Variants in HSPG2 observed in about 807,000 individuals in gnomAD.
HSPG2 encodes heparan sulfate proteoglycan 2, also known as basement membrane-specific heparan sulfate proteoglycan core protein.
HSPG2 carries 278 observed loss-of-function variants against 526.6 expected under a neutral mutation model. The observed-to-expected ratio is 0.53, with a 90% confidence interval of 0.48 to 0.58. HSPG2 has a LOEUF of 0.58. Ranked by LOEUF, HSPG2 falls within the 20% of genes least tolerant of loss-of-function variation. The pLI is 0.00. For synonymous variants in HSPG2, 2,465 were observed against 2,555.4 expected (o/e 0.96, Z 1.07); for missense variants, 5,354 against 6,099.5 (o/e 0.88, Z 4.07).
chr1:21,848,235 C>T lies in HSPG2; in HGVS notation c.7738-142G>A. The T allele has an allele frequency of 9.9e-7, 1 of 1,010,448 alleles. No individual in the cohort carries two copies. The highest frequency in any genetic ancestry group is 1.5e-6 in the Non-Finnish European group (1 of 672,796). 62.6% of individuals were successfully genotyped at this position (1,010,448 alleles called of 1,614,324 possible). ...GGCCTTCGTGAAGCTCCCAGCATGG[C>T]ATGTGGCCTGTCTCTGGGCTGGGGT... On this transcript the variant is annotated intron_variant, in intron 59 of 96. Transcript: ENST00000374695. The surrounding 1 kb of genome is among the most constrained non-coding windows in gnomAD (Gnocchi z 4.9).
Position 21,854,601 on chromosome 1 carries a change from G to A in HSPG2, c.6288+10C>T, listed in dbSNP as rs1314914557. ...CTGGGTCCCCTGCCATAGGCTCAGGGCCCACATACCTGGGTGTGGGGAGGC... is the reference window on the plus strand; with the variant it reads ...CTGGGTCCCCTGCCATAGGCTCAGGACCCACATACCTGGGTGTGGGGAGGC... On this transcript the variant is annotated intron_variant, in intron 49 of 96. Transcript: ENST00000374695. 1.3e-6 allele frequency: 2 copies of A among 1,555,086 alleles called. No homozygotes were observed. The highest frequency in any genetic ancestry group is 1.7e-6 in the Non-Finnish European group (2 of 1,147,422).
rs762120082 is a variant in HSPG2, at chr1:21,874,947, C to T, written c.3358G>A (p.Ala1120Thr). 14 of 1,612,168 alleles carry T rather than the reference C, an allele frequency of 8.7e-6. No individual in the cohort carries two copies. Among genetic ancestry groups the T allele is most frequent in the South Asian group, 2.2e-5 (2 of 90,660 alleles). ...CAGGAGCACTGTTCCACTTCCAGCG[C>T]GGGGTCCTGGCCGGTTTCCTCGGGC... ...AVPEETGQDP[A>T]LEVEQCSCPP... Residue 1120 changes from alanine to threonine, a missense_variant, in exon 26 of 97, where the codon GCG (alanine) becomes ACG (threonine). Physicochemically the swap from Ala to Thr is moderately conservative, Grantham distance 58. Transcript: ENST00000374695.
At position 21,848,528 on chromosome 1, in the gene HSPG2, C is replaced by G. The variant is rs555026273; in HGVS notation, c.7737+115G>C. 6.4e-6 allele frequency: 8 copies of G among 1,241,328 alleles called. No individual in the cohort carries two copies. In the African/African-American group the frequency reaches 8.9e-5, roughly 14 times the overall value. The allele number at this position is 1,241,328 out of a possible 1,614,324, so 76.9% of individuals were successfully genotyped here. ...GTCTAGGACCCATCCAGCAAGGATA[C>G]TCAATGTTTGTTGAATGACTGAATG... On this transcript the variant is annotated intron_variant, in intron 59 of 96. Coordinates refer to ENST00000374695, the MANE Select transcript of HSPG2 (RefSeq NM_005529.7). This position sits in a 1 kb window ranked among gnomAD's most constrained non-coding sequence, Gnocchi z 4.9.
intron 77 of HSPG2, 66 bp downstream of exon 77, chr1:21,834,613 G>A: frequency 6.3e-7 from 1 of 1,578,956 alleles, no homozygotes; most frequent in South Asian, 1.1e-5. Flanking sequence ...GCAGGCAGAA[G>A]ATGGCAGCAG....
In HSPG2 at chr1:21,833,291, G is replaced by GTGACCT. The variant is rs1557680988; in HGVS notation, c.11071_11072insAGGTCA (p.Ile3690_Thr3691insLysVal). On this transcript the variant is annotated inframe_insertion, in exon 80 of 97. Transcript: ENST00000374695. ...ACCATCGGCTGAGTCGGGCCGGAAGGTGATCTTGATCTCGAACTTCCTGTA... is the reference window on the plus strand; with the variant it reads ...ACCATCGGCTGAGTCGGGCCGGAAGGTGACCTTGATCTTGATCTCGAACTTCCTGTA... 1 of 1,614,134 alleles carries GTGACCT rather than the reference G, an allele frequency of 6.2e-7. No individual in the cohort carries two copies. The highest frequency in any genetic ancestry group is 8.5e-7 in the Non-Finnish European group (1 of 1,179,982).
At chr1:21,909,779 A>C (rs1643564452) in intron 1 of HSPG2, among the ~76,000 whole-genome samples, 1 of 152,262 alleles carries the variant, frequency 6.6e-6, no homozygotes, top group African/African-American at 2.4e-5. Context: ...AGTGCCCAAA[A>C]TAGCTAGAGC....
chr1:21,839,578 A>G lies in HSPG2; in HGVS notation c.9710-28T>C, dbSNP rs112630279. On this transcript the variant is annotated intron_variant, in intron 72 of 96. Transcript: ENST00000374695. This position sits in a 1 kb window ranked among gnomAD's most constrained non-coding sequence, Gnocchi z 4.5. ...GTGGAGTCGAGTGGAAGATGACAGAAGTCACTGGGCTACCTCAGGGACCCG... is the reference window on the plus strand; with the variant it reads ...GTGGAGTCGAGTGGAAGATGACAGAGGTCACTGGGCTACCTCAGGGACCCG... The G allele has an allele frequency of 4.6e-4, 740 of 1,612,188 alleles. 4 individuals are homozygous for G. In the African/African-American group the frequency reaches 7.9e-3, roughly 17 times the overall value.
chr1:21,849,825 G>A (rs565981849), intron 57 of HSPG2, among the ~76,000 whole-genome samples: 37 of 152,222 alleles, frequency 2.4e-4, no homozygotes, highest in Middle Eastern at 3.4e-3. Context: ...GATTACAGGC[G>A]CGCACCACCA....
At position 21,865,042 on chromosome 1, in the gene HSPG2, G is replaced by T. The variant is rs1175745994; in HGVS notation, c.4427C>A (p.Ala1476Asp). The T allele has an allele frequency of 6.4e-7, 1 of 1,570,022 alleles. No individual in the cohort carries two copies. The highest frequency in any genetic ancestry group is 1.4e-5 in the African/African-American group (1 of 73,978). Residue 1476 changes from alanine (A) to aspartate (D), a missense_variant, in exon 36 of 97, where the codon GCC becomes GAC. Ala to Asp is a moderately radical substitution (Grantham distance 126). Transcript: ENST00000374695. The surrounding 1 kb of genome is among the most constrained non-coding windows in gnomAD (Gnocchi z 5.4). ...TGCCATCAGGAGGTGCTCGCGTGTG[G>T]CCGGCTGCCCATCGGGCCGGCGCCA... The part of the protein sequence containing the change: ...EFWRRPDGQP[A>D]TREHLLMALA...
rs541221764 is a variant in HSPG2 at position 21,845,330 on chromosome 1, G to GT, written c.8464+777dup. ...CAAGAAATAAGGACAGGCTTGATGT[G>GT]TTTTTTTGTCCCTTATATGCCACCA... On this transcript the variant is annotated intron_variant, in intron 64 of 96. Coordinates refer to ENST00000374695, the MANE Select transcript of HSPG2 (RefSeq NM_005529.7). Among the ~76,000 whole-genome samples the GT allele has an allele frequency of 5.4e-3, 820 of 152,212 alleles. 7 individuals are homozygous for GT. The highest frequency in any genetic ancestry group is 0.018 in the African/African-American group (727 of 41,530).
At position 21,859,694 on chromosome 1, in the gene HSPG2, A is replaced by G. The variant is rs775623887; in HGVS notation, c.5183-18T>C. 6.3e-7 allele frequency: 1 copy of G among 1,596,940 alleles called. No homozygotes were observed. Among genetic ancestry groups the G allele is most frequent in the Admixed American group, 1.7e-5 (1 of 57,530 alleles). ...CTCGGAGCCTGGTGGGGAGGAGACA[A>G]GAGCTTGTTGGTGCAGATACACTCT... On this transcript the variant is annotated intron_variant, in intron 41 of 96. Transcript: ENST00000374695. This position sits in a 1 kb window ranked among gnomAD's most constrained non-coding sequence, Gnocchi z 5.3.
At position 21,876,621 on chromosome 1, in the gene HSPG2, C is replaced by T. The variant is rs1434439995; in HGVS notation, c.2717G>A (p.Cys906Tyr). The T allele has an allele frequency of 6.2e-7, 1 of 1,614,232 alleles. No individual in the cohort carries two copies. Among genetic ancestry groups the T allele is most frequent in the Admixed American group, 1.7e-5 (1 of 60,022 alleles). The change falls in exon 22 of 97, where the codon TGT becomes TAT. Residue 906 changes from cysteine to tyrosine, a missense_variant. Physicochemically the swap from Cys to Tyr is radical, Grantham distance 194 (BLOSUM62 -2). Transcript: ENST00000374695. ...NNVVGRLCNE[C>Y]ADGSFHLSTR... The stretch of plus-strand genomic sequence containing the variant: ...ACTCAGGTGGAAAGAGCCGTCAGCA[C>T]ATTCATTGCACAAGCGCCCCACCAC...
In HSPG2 at chr1:21,887,576, C is replaced by T. The variant is rs1232331620; in HGVS notation, c.802G>A (p.Val268Ile). The change falls in exon 8 of 97, where the codon GTC becomes ATC. Residue 268 changes from valine (V) to isoleucine (I), a missense_variant. Transcript: ENST00000374695. This position sits in a 1 kb window ranked among gnomAD's most constrained non-coding sequence, Gnocchi z 5.0. ...PETTIMRQPP[V>I]THAPQPLLPG... is the part of the protein sequence containing the mutation. The stretch of plus-strand genomic sequence containing the variant: ...AGCAGGGGCTGAGGAGCGTGGGTGA[C>T]TGGTGGCTGTCGCATGATGGTTGTC... 1 of 1,613,978 alleles carries T rather than the reference C, an allele frequency of 6.2e-7. No individual in the cohort carries two copies. The highest frequency in any genetic ancestry group is 8.5e-7 in the Non-Finnish European group (1 of 1,180,024).
intron 1 of HSPG2, among the ~76,000 whole-genome samples, chr1:21,896,660 C>T (rs931073516): frequency 6.6e-6 from 1 of 151,616 alleles, no homozygotes; most frequent in African/African-American, 2.4e-5. Flanking sequence ...GGGATGCGGG[C>T]GGGTAAAGGG....
At position 21,837,434 on chromosome 1, in the gene HSPG2, G is replaced by A. The variant is rs191817708; in HGVS notation, c.10151-428C>T. 9.9e-5 allele frequency among the ~76,000 whole-genome samples: 15 copies of A among 151,762 alleles called. No homozygotes were observed. The East Asian group carries it at 1.2e-3, about 12-fold the overall frequency. Reference sequence around the variant, plus strand: ...TAGCTGAGACTACAGGTGCGCCACCGTGCCTGGCTAATTTTTTTTTTTTTT... The same window carrying A: ...TAGCTGAGACTACAGGTGCGCCACCATGCCTGGCTAATTTTTTTTTTTTTT... On this transcript the variant is annotated intron_variant, in intron 74 of 96. Coordinates refer to ENST00000374695, the MANE Select transcript of HSPG2 (RefSeq NM_005529.7).
chr1:21,880,006 C>T, intron 17 of HSPG2, 101 bp downstream of exon 17: 1 of 1,375,542 alleles, frequency 7.3e-7, no homozygotes, highest in Non-Finnish European at 1.0e-6. Flanking sequence ...GCAGTCATGA[C>T]AGTCATTCTG....
rs749712460 is a variant in HSPG2, at chr1:21,836,789, C to T, written c.10355+13G>A. 1.4e-4 allele frequency: 221 copies of T among 1,544,602 alleles called. 2 individuals carry two copies. The South Asian group carries it at 1.4e-3, about 10-fold the overall frequency. ...TGCTGCCCAAGTCCAGTCCTGCCCC[C>T]GGCCCCACTCACCGGAGCACCCCAT... On this transcript the variant is annotated intron_variant, in intron 75 of 96. Transcript: ENST00000374695.
chr1:21,865,380 G>C lies in HSPG2; in HGVS notation c.4315-15C>G. On this transcript the variant is annotated splice_polypyrimidine_tract_variant and intron_variant, in intron 34 of 96. Transcript: ENST00000374695. The surrounding 1 kb of genome is among the most constrained non-coding windows in gnomAD (Gnocchi z 5.4). ...ATGTTGTTGCCCTGGAAAGACACCAGCAGGATTGGAAGGGGAGCCGAGGGG... is the reference window on the plus strand; with the variant it reads ...ATGTTGTTGCCCTGGAAAGACACCACCAGGATTGGAAGGGGAGCCGAGGGG... 1 of 1,613,732 alleles carries C rather than the reference G, an allele frequency of 6.2e-7. No homozygotes were observed. Among genetic ancestry groups the C allele is most frequent in the Non-Finnish European group, 8.5e-7 (1 of 1,179,740 alleles).
At chr1:21,875,595 C>T in intron 25 of HSPG2, 34 bp downstream of exon 25, 2 of 1,539,730 alleles carry the variant, frequency 1.3e-6, no homozygotes, top group African/African-American at 1.4e-5. Context: ...CCTCCCCAAG[C>T]CCATGCTGGT....
Sources: allele counts gnomAD v4.1 joint callset (sites outside exome capture counted in the v4.1 genomes callset), GRCh38; gene constraint gnomAD v4.1.1; non-coding constraint Gnocchi (gnomAD v3.1); transcripts MANE v1.5; gene names NCBI Gene and HGNC (gene_info 2026-07-23, HGNC 2026-07-21).